Variants in FAM193A observed in about 807,000 individuals in gnomAD.
FAM193A encodes family with sequence similarity 193 member A.
FAM193A carries 22 observed loss-of-function variants against 126.5 expected under a neutral mutation model. The ratio of observed to expected loss-of-function variants is 0.17; its 90% confidence interval spans 0.12 to 0.25. The LOEUF (loss-of-function observed/expected upper bound fraction) is 0.25, where lower values mean the gene tolerates loss of function less well. Among genes scored for constraint, FAM193A ranks in the 10% least tolerant of loss-of-function variants. FAM193A has a pLI of 1.00. For missense variants in FAM193A, 1,675 were observed against 1,672.8 expected, an observed-to-expected ratio of 1.00 and a Z score of -0.02; for synonymous variants, 761 against 646.8, an observed-to-expected ratio of 1.18 and a Z score of -2.68.
intron 7 of FAM193A, among the ~76,000 whole-genome samples, chr4:2,651,084 A>G (rs896003168): frequency 9.8e-5 from 15 of 152,318 alleles, no homozygotes; most frequent in African/African-American, 3.6e-4. Flanking sequence ...TAATCCCAGC[A>G]CTTAGGGAGG....
intron 5 of FAM193A, 68 bp downstream of exon 5, chr4:2,631,237 C>T (rs1419256569): frequency 6.8e-7 from 1 of 1,470,672 alleles, no homozygotes; most frequent in East Asian, 2.3e-5. Context: ...CAAGAGGAAG[C>T]TTCTCACGCA....
At chr4:2,614,850 C>T (rs777679664) in intron 2 of FAM193A, among the ~76,000 whole-genome samples, 6 of 152,124 alleles carry the variant, frequency 3.9e-5, no homozygotes, top group Non-Finnish European at 7.4e-5. Flanking sequence ...GAAATTTGCC[C>T]ATTTTATATT....
At chr4:2,604,502 G>A (rs944251994) in intron 2 of FAM193A, among the ~76,000 whole-genome samples, 2 of 152,130 alleles carry the variant, frequency 1.3e-5, no homozygotes, top group Non-Finnish European at 2.9e-5. Flanking sequence ...TATTTCAAGA[G>A]TGCTGGGTAG....
At chr4:2,601,380 G>T (rs975398361) in intron 2 of FAM193A, among the ~76,000 whole-genome samples, 2 of 151,430 alleles carry the variant, frequency 1.3e-5, no homozygotes, top group African/African-American at 4.9e-5. Flanking sequence ...CTGTAGGCGC[G>T]TACCACCACA....
At chr4:2,602,156 A>AT (rs1467195629) in intron 2 of FAM193A, among the ~76,000 whole-genome samples, 2 of 151,974 alleles carry the variant, frequency 1.3e-5, no homozygotes, top group African/African-American at 4.8e-5. Context: ...GCTATTTTAT[A>AT]TACATACATG....
intron 2 of FAM193A, among the ~76,000 whole-genome samples, chr4:2,613,381 T>TC (rs1234257558): frequency 1.3e-5 from 2 of 150,644 alleles, no homozygotes; most frequent in Non-Finnish European, 3.0e-5. Context: ...AATTCAGCTT[T>TC]TTTTTTTTTT....
chr4:2,710,036 G>T (rs768254526), intron 19 of FAM193A, among the ~76,000 whole-genome samples: 3 of 151,612 alleles, frequency 2.0e-5, no homozygotes, highest in Non-Finnish European at 4.4e-5. Context: ...GATTATTTTC[G>T]CCTGTCATTT....
At chr4:2,607,954 T>C in intron 2 of FAM193A, 1 of 1,486,806 alleles carries the variant, frequency 6.7e-7, no homozygotes, top group Non-Finnish European at 9.1e-7. Flanking sequence ...TTCTTTTCTT[T>C]TTTTAACCTT....
intron 2 of FAM193A, among the ~76,000 whole-genome samples, chr4:2,618,887 C>T (rs746232685): frequency 6.6e-6 from 1 of 152,096 alleles, no homozygotes; most frequent in Admixed American, 6.6e-5. Context: ...TGAGCCACTG[C>T]GCCTGGCCAA....
At chr4:2,615,441 C>T (rs1174406149) in intron 2 of FAM193A, among the ~76,000 whole-genome samples, 1 of 152,182 alleles carries the variant, frequency 6.6e-6, no homozygotes, top group Non-Finnish European at 1.5e-5. Flanking sequence ...TCATTCTACT[C>T]AAAATATTTT....
At chr4:2,697,153 C>T (rs1717135360) in intron 18 of FAM193A, among the ~76,000 whole-genome samples, 1 of 152,094 alleles carries the variant, frequency 6.6e-6, no homozygotes. Flanking sequence ...GCAGTTCCCT[C>T]CTTACCAGAG....
chr4:2,618,715 C>T (rs959475083), intron 2 of FAM193A, among the ~76,000 whole-genome samples: 12 of 151,714 alleles, frequency 7.9e-5, no homozygotes, highest in Admixed American at 7.9e-4. Flanking sequence ...CCTGCCCCAG[C>T]CTCCTGAGTA....
At chr4:2,684,729 TC>T (rs1715537020) in intron 13 of FAM193A, among the ~76,000 whole-genome samples, 1 of 152,186 alleles carries the variant, frequency 6.6e-6, no homozygotes, top group Non-Finnish European at 1.5e-5. Context: ...GTACGGCTGT[TC>T]CTTCCCCTCA....
intron 2 of FAM193A, among the ~76,000 whole-genome samples, chr4:2,603,710 T>C (rs1324098491): frequency 6.6e-6 from 1 of 151,822 alleles, no homozygotes; most frequent in East Asian, 1.9e-4. Flanking sequence ...CTGCCCACCT[T>C]GGCCTCCCAA....
At chr4:2,608,119 C>T (rs909738350) in intron 2 of FAM193A, 1 of 1,606,874 alleles carries the variant, frequency 6.2e-7, no homozygotes. Flanking sequence ...TCTACTATAT[C>T]TCCTTGTAGA....
chr4:2,569,197 G>A (rs1361353123), intron 1 of FAM193A, among the ~76,000 whole-genome samples: 1 of 151,724 alleles, frequency 6.6e-6, no homozygotes, highest in East Asian at 1.9e-4. Context: ...TCTCGAACTC[G>A]TGAGCTCAGG....
Position 2,693,625 on chromosome 4 carries a change from A to C in FAM193A, c.2843A>C (p.His948Pro). ...GGCATCAGCAAGGAGGACCACAGAC[A>C]CTCGGCCCCAGCCGCCCCGAGGAAT... ...FHGISKEDHR[H>P]SAPAAPRNSP... The change falls in exon 16 of 21, where the codon CAC becomes CCC. Residue 948 changes from histidine to proline, a missense_variant. Coordinates refer to ENST00000637812, the MANE Select transcript of FAM193A (RefSeq NM_001366318.2). The C allele has an allele frequency of 6.2e-7, 1 of 1,613,910 alleles. No individual in the cohort carries two copies. The highest frequency in any genetic ancestry group is 2.2e-5 in the East Asian group (1 of 44,872).
Position 2,693,075 on chromosome 4 carries a change from G to C in FAM193A, c.2804-511G>C, listed in dbSNP as rs553558227. On this transcript the variant is annotated intron_variant, in intron 15 of 20. Transcript: ENST00000637812. ...ATTTTTTTTTTTTCTTTGAGACGGA[G>C]TCTTGCTCCGTCACCCAGGCTGCTG... is the stretch of plus-strand genomic sequence containing the variant. Among the ~76,000 whole-genome samples the C allele has an allele frequency of 7.2e-5, 11 of 152,084 alleles. No individual in the cohort carries two copies. The South Asian group carries it at 1.9e-3, about 26-fold the overall frequency.
At chr4:2,700,998 C>A (rs1438874538) in intron 19 of FAM193A, among the ~76,000 whole-genome samples, 1 of 151,932 alleles carries the variant, frequency 6.6e-6, no homozygotes, top group Non-Finnish European at 1.5e-5. Flanking sequence ...GATTTCTACC[C>A]CCTCCAGTTC....
Sources: allele counts gnomAD v4.1 joint callset (sites outside exome capture counted in the v4.1 genomes callset), GRCh38; gene constraint gnomAD v4.1.1; transcripts MANE v1.5; gene names NCBI Gene and HGNC (gene_info 2026-07-23, HGNC 2026-07-21).